Variants in LRRK2 observed in about 807,000 individuals in gnomAD.
LRRK2 encodes leucine-rich repeat serine/threonine-protein kinase 2.
A neutral mutation model predicts 302.6 loss-of-function variants in LRRK2; 203 were observed. The ratio of observed to expected loss-of-function variants is 0.67; its 90% CI spans 0.60 to 0.75. The LOEUF is 0.75. Among genes scored for constraint, LRRK2 ranks in the 30% least tolerant of loss-of-function variants. The pLI is 0.00. For synonymous variants in LRRK2, 1,066 were observed against 1,031.9 expected, an observed-to-expected ratio of 1.03 and a Z score of -0.63; for missense variants, 2,830 against 2,951.0, an observed-to-expected ratio of 0.96 and a Z score of 0.95.
Position 40,364,965 on chromosome 12 carries a change from A to C in LRRK2, c.7305A>C (p.Leu2435Phe), listed in dbSNP as rs1946831998. 3 of 1,612,544 alleles carry C rather than the reference A, an allele frequency of 1.9e-6. No individual in the cohort carries two copies. The highest frequency in any genetic ancestry group is 3.3e-4 in the Middle Eastern group (2 of 6,050). ...TAGGAACTGGAGGAGGCCATATTTT[A>C]CTCCTGGATCTTTCAACTCGTCGAC... ...LWIGTGGGHI[L>F]LLDLSTRRLI... is the part of the protein sequence containing the mutation. The change falls in exon 49 of 51, where the codon TTA becomes TTC. Residue 2435 changes from leucine (L) to phenylalanine (F), a missense_variant. Leu to Phe is a conservative substitution (Grantham distance 22). This residue lies in a region of LRRK2 where 456 missense variants were observed against 456.3 expected (regional missense o/e 1.00). Transcript: ENST00000298910.
At chr12:40,240,192 A>T (rs1429491773) in intron 5 of LRRK2, among the ~76,000 whole-genome samples, 1 of 152,172 alleles carries the variant, frequency 6.6e-6, no homozygotes, top group Non-Finnish European at 1.5e-5. Context: ...AATTTCCCAA[A>T]TGAAATTGTA....
chr12:40,242,057 G>A (rs1283717464), intron 6 of LRRK2, among the ~76,000 whole-genome samples: 14 of 151,866 alleles, frequency 9.2e-5, no homozygotes, highest in Admixed American at 7.9e-4. Flanking sequence ...CACCCACATT[G>A]GACATAACTC....
At chr12:40,250,041 TCAATG>T in intron 8 of LRRK2, 96 bp downstream of exon 8, 1 of 1,459,322 alleles carries the variant, frequency 6.9e-7, no homozygotes, top group Non-Finnish European at 9.4e-7. Context: ...ATGGAAGCAT[TCAATG>T]CCTTTTCTGT....
chr12:40,303,452 C>A (rs906227492), intron 26 of LRRK2, among the ~76,000 whole-genome samples: 1 of 151,970 alleles, frequency 6.6e-6, no homozygotes, highest in African/African-American at 2.4e-5. Context: ...GTAAATTTAT[C>A]TTTTCCTTTG....
intron 14 of LRRK2, among the ~76,000 whole-genome samples, chr12:40,265,394 G>T (rs1486529834): frequency 2.0e-5 from 3 of 152,124 alleles, no homozygotes; most frequent in East Asian, 1.9e-4. Context: ...AAAAGAAAAA[G>T]AATATTTTGC....
chr12:40,290,486 C>G (rs1592231890), intron 20 of LRRK2, among the ~76,000 whole-genome samples: 1 of 151,902 alleles, frequency 6.6e-6, no homozygotes. Flanking sequence ...TCTTAAATGT[C>G]TGATAGACTT....
chr12:40,263,360 C>T (rs1418793753), intron 13 of LRRK2, among the ~76,000 whole-genome samples: 1 of 151,156 alleles, frequency 6.6e-6, no homozygotes, highest in Non-Finnish European at 1.5e-5. Flanking sequence ...TTTTTTGCTA[C>T]GATTATTCCA....
intron 42 of LRRK2, 32 bp from the exon 43 acceptor site, chr12:40,348,377 G>A: frequency 2.1e-6 from 3 of 1,418,210 alleles, no homozygotes; most frequent in Non-Finnish European, 3.0e-6. Context: ...TACTTATTTA[G>A]TATGCTAGCA....
At chr12:40,239,273 T>C (rs551214697) in intron 5 of LRRK2, among the ~76,000 whole-genome samples, 1 of 152,328 alleles carries the variant, frequency 6.6e-6, no homozygotes. Flanking sequence ...AGCTCTTTGA[T>C]AATCATACAC....
intron 30 of LRRK2, 123 bp downstream of exon 30, chr12:40,309,356 T>A: frequency 8.0e-7 from 1 of 1,251,760 alleles, no homozygotes; most frequent in Non-Finnish European, 1.1e-6. Context: ...AATACTTTCT[T>A]AAAAGAAGCA....
rs1946464510 is a variant in LRRK2 at position 40,354,432 on chromosome 12, C to A, written c.6710C>A (p.Thr2237Asn). 6.2e-7 allele frequency: 1 copy of A among 1,614,076 alleles called. No homozygotes were observed. The highest frequency in any genetic ancestry group is 8.5e-7 in the Non-Finnish European group (1 of 1,179,982). ...ACCGAAGATGGGAAAAAGAGACATA[C>A]CCTAGAAAAGATGACTGATTCTGTC... ...INTEDGKKRH[T>N]LEKMTDSVTC... Residue 2237 changes from threonine to asparagine, a missense_variant, in exon 45 of 51, where the codon ACC (threonine) becomes AAC (asparagine). Transcript: ENST00000298910.
chr12:40,342,121 C>T (rs1251071343), intron 41 of LRRK2, among the ~76,000 whole-genome samples: 3 of 152,258 alleles, frequency 2.0e-5, no homozygotes, highest in African/African-American at 4.8e-5. Flanking sequence ...TTGTTGAAGC[C>T]TTGTCTGCTT....
chr12:40,259,194 C>T lies in LRRK2; in HGVS notation c.1419-286C>T, dbSNP rs76709504. On this transcript the variant is annotated intron_variant, in intron 12 of 50. Transcript: ENST00000298910. ...TTCATGTAGAAAATGGGGATAATAA[C>T]ACCTACCTGCTGGGATTGTTGTTAT... Among the ~76,000 whole-genome samples, 1,668 of 152,230 alleles carry T rather than the reference C, an allele frequency of 0.011. 22 individuals carry two copies. Among genetic ancestry groups the T allele is most frequent in the African/African-American group, 0.036 (1,495 of 41,524 alleles).
chr12:40,231,290 C>A (rs1383358909), intron 2 of LRRK2, among the ~76,000 whole-genome samples: 1 of 151,148 alleles, frequency 6.6e-6, no homozygotes, highest in Non-Finnish European at 1.5e-5. Context: ...CAGAGGCTCA[C>A]GCCTGTAATC....
rs1047411942 is a variant in LRRK2, at chr12:40,367,910, A to G, written c.*145A>G. 10 of 617,760 alleles carry G rather than the reference A, an allele frequency of 1.6e-5. No individual in the cohort carries two copies. Among genetic ancestry groups the G allele is most frequent in the Non-Finnish European group, 2.6e-5 (10 of 388,280 alleles). 38.3% of individuals were successfully genotyped at this position (617,760 alleles called of 1,614,324 possible). On this transcript the variant is annotated 3_prime_UTR_variant, in exon 51 of 51. Transcript: ENST00000298910. ...AGGAATGTTATTATTTTTAATTTAAATATATGTAAAAATACTTACCAGTAA... is the reference window on the plus strand; with the variant it reads ...AGGAATGTTATTATTTTTAATTTAAGTATATGTAAAAATACTTACCAGTAA...
At chr12:40,298,798 T>TATGA (rs57355300) in intron 24 of LRRK2, among the ~76,000 whole-genome samples, 1 of 94,266 alleles carries the variant, frequency 1.1e-5, no homozygotes, top group Non-Finnish European at 2.1e-5. Context: ...TATATATATA[T>TATGA]AATATATGTA....
chr12:40,316,058 T>C (rs1945208007), intron 33 of LRRK2, among the ~76,000 whole-genome samples: 1 of 152,040 alleles, frequency 6.6e-6, no homozygotes, highest in African/African-American at 2.4e-5. Context: ...TATCCAGACA[T>C]TGCTAAATAT....
chr12:40,280,918 A>G (rs1424465798), intron 18 of LRRK2, among the ~76,000 whole-genome samples: 1 of 151,826 alleles, frequency 6.6e-6, no homozygotes, highest in African/African-American at 2.4e-5. Flanking sequence ...AATACAAAAA[A>G]TTAGCCAGGC....
At position 40,304,043 on chromosome 12, in the gene LRRK2, A is replaced by C. The variant is rs770448977; in HGVS notation, c.3686A>C (p.His1229Pro). 5 of 1,613,788 alleles carry C rather than the reference A, an allele frequency of 3.1e-6. No homozygotes were observed. Reference sequence around the variant, plus strand: ...AACTTAAGGGAACTCTTATTTAGCCATAATCAGATCAGCATCTTGGACTTG... The same window carrying C: ...AACTTAAGGGAACTCTTATTTAGCCCTAATCAGATCAGCATCTTGGACTTG... ...SLNLRELLFSHNQISILDLSE... is the reference protein window; with the variant it reads ...SLNLRELLFSPNQISILDLSE... The change falls in exon 27 of 51, where the codon CAT becomes CCT. Residue 1229 changes from histidine to proline, a missense_variant. This residue lies in a region of LRRK2 where 2,121 missense variants were observed against 2,148.0 expected (regional missense o/e 0.99). Coordinates refer to ENST00000298910, the MANE Select transcript of LRRK2 (RefSeq NM_198578.4).
Sources: gnomAD v4.1 joint callset for allele counts (sites outside exome capture counted in the v4.1 genomes callset) on GRCh38, gnomAD v4.1.1 for gene constraint, gnomAD v4.1.1 regional missense constraint, MANE v1.5 for transcripts, NCBI Gene and HGNC (gene_info 2026-07-23, HGNC 2026-07-21) for gene names.